RAB2A: variants seen among roughly 807,000 people sequenced by gnomAD.
RAB2A encodes the protein RAB2A, member RAS oncogene family.
A neutral mutation model predicts 32.5 loss-of-function variants in RAB2A; 7 were observed. The observed-to-expected ratio is 0.22, with a 90% CI of 0.12 to 0.40. RAB2A has a LOEUF of 0.40. Among genes scored for constraint, RAB2A ranks in the 10% least tolerant of loss-of-function variants. The pLI is 1.00. For synonymous variants in RAB2A, 79 were observed against 85.2 expected, an observed-to-expected ratio of 0.93 and a Z score of 0.40; for missense variants, 108 against 260.7, an observed-to-expected ratio of 0.41 and a Z score of 4.03.
chr8:60,615,498 TTATA>T (rs1211042545), intron 6 of RAB2A, among the ~76,000 whole-genome samples: 6 of 152,142 alleles, frequency 3.9e-5, no homozygotes, highest in Non-Finnish European at 7.4e-5. Flanking sequence ...CTTAAAAAGT[TTATA>T]TATGGGATTG....
intron 1 of RAB2A, among the ~76,000 whole-genome samples, chr8:60,531,636 C>G (rs1807477341): frequency 6.6e-6 from 1 of 152,070 alleles, no homozygotes; most frequent in Non-Finnish European, 1.5e-5. Flanking sequence ...CAAAATGGCT[C>G]TCCTTGATTC....
At chr8:60,535,298 A>T (rs1807540946) in intron 1 of RAB2A, among the ~76,000 whole-genome samples, 1 of 152,202 alleles carries the variant, frequency 6.6e-6, no homozygotes, top group African/African-American at 2.4e-5. Context: ...CTGCTTACAT[A>T]GCATTGATGA....
At chr8:60,533,368 ACATT>A (rs1807506153) in intron 1 of RAB2A, among the ~76,000 whole-genome samples, 2 of 152,240 alleles carry the variant, frequency 1.3e-5, no homozygotes, top group African/African-American at 2.4e-5. Context: ...GAAGGCTATA[ACATT>A]CATGACATTT....
At chr8:60,609,936 G>A (rs1804307853) in intron 6 of RAB2A, among the ~76,000 whole-genome samples, 1 of 146,086 alleles carries the variant, frequency 6.8e-6, no homozygotes, top group African/African-American at 2.5e-5. Flanking sequence ...TCCAGCCGGG[G>A]CAACAAAGGG....
At chr8:60,556,738 TAGTC>T (rs1428233637) in intron 1 of RAB2A, among the ~76,000 whole-genome samples, 6 of 151,992 alleles carry the variant, frequency 3.9e-5, no homozygotes, top group Non-Finnish European at 7.4e-5. Flanking sequence ...AACCAACACT[TAGTC>T]AGAATGAGAT....
intron 6 of RAB2A, among the ~76,000 whole-genome samples, chr8:60,615,423 G>A (rs1201367639): frequency 6.6e-6 from 1 of 152,066 alleles, no homozygotes; most frequent in African/African-American, 2.4e-5. Flanking sequence ...TACTTAAAAT[G>A]TATTTTTGTA....
intron 1 of RAB2A, among the ~76,000 whole-genome samples, chr8:60,533,332 G>C (rs888308912): frequency 3.9e-5 from 6 of 152,328 alleles, no homozygotes; most frequent in African/African-American, 1.4e-4. Context: ...AGGAGCCCGT[G>C]CTCAGGAGAC....
At chr8:60,611,948 A>C (rs1324217000) in intron 6 of RAB2A, among the ~76,000 whole-genome samples, 3 of 152,364 alleles carry the variant, frequency 2.0e-5, no homozygotes, top group Non-Finnish European at 4.4e-5. Flanking sequence ...GTTATGCTGC[A>C]GCAACAAACC....
intron 5 of RAB2A, among the ~76,000 whole-genome samples, chr8:60,587,266 G>T (rs1050527567): frequency 2.0e-5 from 3 of 152,102 alleles, no homozygotes; most frequent in Non-Finnish European, 4.4e-5. Context: ...TGAAGAAGGG[G>T]TAATCTTTTT....
Position 60,527,116 on chromosome 8 carries a change from A to G in RAB2A, c.46+9863A>G, listed in dbSNP as rs531185524. 7.2e-5 allele frequency among the ~76,000 whole-genome samples: 11 copies of G among 152,300 alleles called. No individual in the cohort carries two copies. The South Asian group carries it at 2.3e-3, about 32-fold the overall frequency. On this transcript the variant is annotated intron_variant, in intron 1 of 7. Transcript: ENST00000262646. ...TAATCATGGCAGAAGGTGAAGGGGA[A>G]GCAAGCACATCTAGCCATGTCAGAC...
At chr8:60,603,701 TAGG>T (rs572882942) in intron 6 of RAB2A, among the ~76,000 whole-genome samples, 130 of 152,256 alleles carry the variant, frequency 8.5e-4, no homozygotes, top group African/African-American at 2.9e-3. Context: ...CACTTAGTAA[TAGG>T]AGGGATGGTG....
intron 3 of RAB2A, among the ~76,000 whole-genome samples, chr8:60,577,626 A>T (rs1347849811): frequency 6.9e-6 from 1 of 143,910 alleles, no homozygotes; most frequent in African/African-American, 2.5e-5. Context: ...AGAGGTCTAA[A>T]TTTTTTTTTT....
intron 6 of RAB2A, among the ~76,000 whole-genome samples, chr8:60,611,026 G>A (rs182684951): frequency 5.2e-4 from 79 of 152,108 alleles, no homozygotes; most frequent in African/African-American, 1.9e-3. Context: ...AACCAAAAGC[G>A]GAGTCATCCA....
intron 1 of RAB2A, among the ~76,000 whole-genome samples, chr8:60,523,994 G>C (rs904272541): frequency 2.6e-5 from 4 of 152,026 alleles, no homozygotes; most frequent in African/African-American, 9.7e-5. Context: ...CAGGATTTTT[G>C]ACTAGCTCTT....
At chr8:60,522,404 A>G (rs1300931521) in intron 1 of RAB2A, among the ~76,000 whole-genome samples, 1 of 152,236 alleles carries the variant, frequency 6.6e-6, no homozygotes, top group Non-Finnish European at 1.5e-5. Context: ...AAGACTACAC[A>G]CTTAACCGTT....
chr8:60,592,240 G>A (rs1002199811), intron 6 of RAB2A: 1 of 232,112 alleles, frequency 4.3e-6, no homozygotes, highest in African/African-American at 2.3e-5. Context: ...TAGTTTCTGA[G>A]AGTTATATTT....
intron 1 of RAB2A, among the ~76,000 whole-genome samples, chr8:60,535,751 C>G (rs935487151): frequency 6.6e-6 from 1 of 152,166 alleles, no homozygotes; most frequent in Non-Finnish European, 1.5e-5. Flanking sequence ...TCAATACGGC[C>G]TGCTTGAGAA....
chr8:60,555,597 A>G (rs1467613341), intron 1 of RAB2A, among the ~76,000 whole-genome samples: 2 of 152,244 alleles, frequency 1.3e-5, no homozygotes, highest in Non-Finnish European at 2.9e-5. Context: ...CATCAAGTAT[A>G]TGAAAAAATG....
At chr8:60,584,155 A>G (rs1306747625) in intron 3 of RAB2A, 53 bp from the exon 4 acceptor site, 3 of 1,360,010 alleles carry the variant, frequency 2.2e-6, no homozygotes, top group Non-Finnish European at 3.2e-6. Context: ...TAATATGAAA[A>G]TGTAGAGGAC....
Sources: allele counts gnomAD v4.1 joint callset (sites outside exome capture counted in the v4.1 genomes callset), GRCh38; gene constraint gnomAD v4.1.1; transcripts MANE v1.5; gene names NCBI Gene and HGNC (gene_info 2026-07-23, HGNC 2026-07-21).